Variants in EIPR1 observed in about 807,000 individuals in gnomAD.
EIPR1 encodes EARP and GARP complex-interacting protein 1.
EIPR1 carries 25 observed loss-of-function variants against 48.1 expected under a neutral mutation model. The observed-to-expected ratio is 0.52, with a 90% CI of 0.38 to 0.73. The LOEUF (loss-of-function observed/expected upper bound fraction) is 0.73, where lower values mean the gene tolerates loss of function less well. Ranked by LOEUF, EIPR1 falls within the 30% of genes least tolerant of loss-of-function variation. The pLI, the probability that EIPR1 is intolerant of heterozygous loss-of-function variation, is 0.00. For missense variants in EIPR1, 415 were observed against 506.2 expected (o/e 0.82, Z 1.73); for synonymous variants, 204 against 201.9 (o/e 1.01, Z -0.09).
intron 3 of EIPR1, among the ~76,000 whole-genome samples, chr2:3,274,731 G>A (rs927942213): frequency 1.3e-5 from 2 of 151,674 alleles, no homozygotes; most frequent in Non-Finnish European, 2.9e-5. Context: ...TTACTTTTGA[G>A]GTTAATAAAA....
At chr2:3,288,127 C>T (rs944227912) in intron 3 of EIPR1, among the ~76,000 whole-genome samples, 2 of 152,178 alleles carry the variant, frequency 1.3e-5, no homozygotes, top group African/African-American at 4.8e-5. Context: ...ATGAGAGCAG[C>T]GGGTGGGGCA....
rs1664545438 is a variant in EIPR1 at position 3,189,927 on chromosome 2, G to A, written c.990-419C>T. On this transcript the variant is annotated intron_variant, in intron 8 of 8. Transcript: ENST00000382125. This position sits in a 1 kb window ranked among gnomAD's most constrained non-coding sequence, Gnocchi z 4.6. ...TGTAAACGCCCCTATTGCTTGAGCA[G>A]AAAGGACCCTGGGAAGCAGCGGGTC... Among the ~76,000 whole-genome samples, 2 of 152,152 alleles carry A rather than the reference G, an allele frequency of 1.3e-5. 1 individual carries two copies. Among genetic ancestry groups the A allele is most frequent in the Admixed American group, 1.3e-4 (2 of 15,288 alleles).
At chr2:3,218,324 G>A (rs1665720809) in intron 4 of EIPR1, among the ~76,000 whole-genome samples, 2 of 150,558 alleles carry the variant, frequency 1.3e-5, no homozygotes, top group African/African-American at 4.9e-5. Flanking sequence ...AGTGAGTCAG[G>A]TGCACACCCA....
rs35912767 is a variant in EIPR1 at position 3,350,117 on chromosome 2, C to CA, written c.126+4432dup. Among the ~76,000 whole-genome samples, 77 of 57,462 alleles carry CA rather than the reference C, an allele frequency of 1.3e-3. 8 individuals carry two copies. The highest frequency in any genetic ancestry group is 3.3e-3 in the African/African-American group (44 of 13,170). The allele number at this position is 57,462 out of a possible 152,430, so 37.7% of individuals were successfully genotyped here. A position where few individuals can be genotyped will look rare whatever the true frequency, so the allele number is the denominator to read the frequency against. On this transcript the variant is annotated intron_variant, in intron 2 of 8. Coordinates refer to ENST00000382125, the MANE Select transcript of EIPR1 (RefSeq NM_003310.5). ...TGGGTGAGAGAGTAAGACTCTGTCT[C>CA]AAAAAAAAAAAAAAAAAAAAAAAAA...
At chr2:3,200,162 G>A (rs1664978347) in intron 5 of EIPR1, among the ~76,000 whole-genome samples, 1 of 152,090 alleles carries the variant, frequency 6.6e-6, no homozygotes, top group Admixed American at 6.5e-5. Flanking sequence ...AGCAGGCTGG[G>A]TGTTGCCGAG....
intron 4 of EIPR1, among the ~76,000 whole-genome samples, chr2:3,253,257 A>ACT (rs1259073612): frequency 6.6e-6 from 1 of 152,190 alleles, no homozygotes; most frequent in Non-Finnish European, 1.5e-5. Context: ...TCCTGCTTCG[A>ACT]GTTGTCCCCC....
At position 3,194,137 on chromosome 2, in the gene EIPR1, C is replaced by A; in HGVS notation, c.683G>T (p.Gly228Val). 6.2e-7 allele frequency: 1 copy of A among 1,613,832 alleles called. No homozygotes were observed. The highest frequency in any genetic ancestry group is 8.5e-7 in the Non-Finnish European group (1 of 1,179,980). Reference protein sequence around the residue: ...SQIYCIENAHGQLVRDLDFNP... With the variant: ...SQIYCIENAHVQLVRDLDFNP... Reference sequence around the variant, plus strand: ...AAAGTCAAGGTCCCGCACCAGCTGTCCGTGGGCATTCTCTATGCAGTAGAT... The same window carrying A: ...AAAGTCAAGGTCCCGCACCAGCTGTACGTGGGCATTCTCTATGCAGTAGAT... The change falls in exon 7 of 9, where the codon GGA becomes GTA. Residue 228 changes from glycine to valine, a missense_variant. Transcript: ENST00000382125.
rs768451413 is a variant in EIPR1 at position 3,192,552 on chromosome 2, TGA to T, written c.849_850del (p.His284Ter). 6.2e-7 allele frequency: 1 copy of T among 1,612,402 alleles called. No homozygotes were observed. The highest frequency in any genetic ancestry group is 8.5e-7 in the Non-Finnish European group (1 of 1,179,690). The stretch of plus-strand genomic sequence containing the variant: ...GCTGCCCGTGAGGACCAGCTGGTCA[TGA>T]GAGTGGTTGTAGCGGACGTTCCACA... On this transcript the variant is annotated frameshift_variant, in exon 8 of 9. Coordinates refer to ENST00000382125, the MANE Select transcript of EIPR1 (RefSeq NM_003310.5). LOFTEE classifies it high-confidence loss of function.
intron 1 of EIPR1, among the ~76,000 whole-genome samples, chr2:3,355,221 A>C (rs1670692745): frequency 6.6e-6 from 1 of 152,220 alleles, no homozygotes; most frequent in Admixed American, 6.5e-5. Flanking sequence ...GCTGATGCTG[A>C]CGAGAGCTTT....
chr2:3,332,162 A>C (rs1462790618), intron 3 of EIPR1, among the ~76,000 whole-genome samples: 1 of 152,218 alleles, frequency 6.6e-6, no homozygotes, highest in Non-Finnish European at 1.5e-5. Context: ...ATTAGAAATA[A>C]AAGCAGCAAA....
intron 5 of EIPR1, among the ~76,000 whole-genome samples, chr2:3,207,285 G>A (rs1430905760): frequency 2.0e-5 from 3 of 152,172 alleles, no homozygotes; most frequent in Non-Finnish European, 4.4e-5. Flanking sequence ...CATGTCTCAG[G>A]TCACACTGTT....
intron 1 of EIPR1, among the ~76,000 whole-genome samples, chr2:3,374,448 C>T (rs1374823637): frequency 6.6e-6 from 1 of 151,910 alleles, no homozygotes; most frequent in Non-Finnish European, 1.5e-5. Flanking sequence ...AGGCAACCTA[C>T]AAAATGGGAG....
intron 3 of EIPR1, among the ~76,000 whole-genome samples, chr2:3,268,224 C>T (rs1342812573): frequency 1.3e-5 from 2 of 152,188 alleles, no homozygotes; most frequent in African/African-American, 4.8e-5. Context: ...GCCTGGGGCC[C>T]GCGCCAGCAT....
Position 3,194,078 on chromosome 2 carries a change from C to T in EIPR1, c.742G>A (p.Gly248Arg). 3 of 1,613,916 alleles carry T rather than the reference C, an allele frequency of 1.9e-6. No individual in the cohort carries two copies. The highest frequency in any genetic ancestry group is 2.2e-5 in the South Asian group (2 of 91,078). Residue 248 changes from glycine (G) to arginine (R), a missense_variant, in exon 7 of 9, where the codon GGA (glycine) becomes AGA (arginine). Gly to Arg is a moderately radical substitution (Grantham distance 125). Coordinates refer to ENST00000382125, the MANE Select transcript of EIPR1 (RefSeq NM_003310.5). ...CAGAACTTCACCTTACAGTCGTCTC[C>T]GCAGCTGGCCAAGTAGTACTGCTTA... ...PNKQYYLASC[G>R]DDCKVKFWDT... is the part of the protein sequence containing the mutation.
intron 2 of EIPR1, among the ~76,000 whole-genome samples, chr2:3,351,478 T>C (rs567824664): frequency 1.3e-5 from 2 of 152,324 alleles, no homozygotes; most frequent in Admixed American, 1.3e-4. Flanking sequence ...TCTGCTGACT[T>C]CTGCTTTCTG....
intron 4 of EIPR1, among the ~76,000 whole-genome samples, chr2:3,249,023 G>A (rs1666925753): frequency 6.6e-6 from 1 of 152,102 alleles, no homozygotes; most frequent in Non-Finnish European, 1.5e-5. Context: ...TACAAAAATG[G>A]ACTAACACAT....
At chr2:3,244,532 C>T (rs938194525) in intron 4 of EIPR1, among the ~76,000 whole-genome samples, 4 of 152,130 alleles carry the variant, frequency 2.6e-5, no homozygotes, top group Non-Finnish European at 5.9e-5. Context: ...TCAGAGCCTC[C>T]GGAAGGTAAT....
rs551076353 is a variant in EIPR1 at position 3,235,796 on chromosome 2, T to A, written c.416+21503A>T. Among the ~76,000 whole-genome samples the A allele has an allele frequency of 1.3e-3, 205 of 152,300 alleles. 2 individuals are homozygous for A. Among genetic ancestry groups the A allele is most frequent in the Admixed American group, 3.1e-3 (47 of 15,304 alleles). On this transcript the variant is annotated intron_variant, in intron 4 of 8. Coordinates refer to ENST00000382125, the MANE Select transcript of EIPR1 (RefSeq NM_003310.5). ...TTGAGCAATAATTCCTTGTTATTAA[T>A]CAGATTTCCTGGTATTTATTGACCC...
chr2:3,296,266 GC>G (rs574641558), intron 3 of EIPR1, among the ~76,000 whole-genome samples: 68 of 74,998 alleles, frequency 9.1e-4, no homozygotes, highest in Non-Finnish European at 1.4e-3. Flanking sequence ...CCTCCATCCA[GC>G]CCATCCTCAC....
Sources: allele counts gnomAD v4.1 joint callset (sites outside exome capture counted in the v4.1 genomes callset), GRCh38; gene constraint gnomAD v4.1.1; non-coding constraint Gnocchi (gnomAD v3.1); transcripts MANE v1.5; gene names NCBI Gene and HGNC (gene_info 2026-07-23, HGNC 2026-07-21).